The following FASLG variants were observed in gnomAD, a reference collection of about 807,000 sequenced individuals.
The protein encoded by FASLG is Fas ligand.
FASLG carries 9 observed loss-of-function variants against 24.6 expected under a neutral mutation model. The ratio of observed to expected loss-of-function variants is 0.37; its 90% CI spans 0.22 to 0.64. The LOEUF is 0.64. FASLG is among the 30% of genes least tolerant of loss of function. The pLI is 0.64. For synonymous variants in FASLG, 130 were observed against 135.5 expected, an observed-to-expected ratio of 0.96 and a Z score of 0.28; for missense variants, 306 against 345.3, an observed-to-expected ratio of 0.89 and a Z score of 0.90.
intron 1 of FASLG, 72 bp from the exon 2 acceptor site, chr1:172,660,023 T>C: frequency 2.0e-6 from 3 of 1,476,346 alleles, no homozygotes; most frequent in Non-Finnish European, 2.8e-6. Context: ...CTTGGTTTAT[T>C]TGACGATTCT....
At position 172,665,680 on chromosome 1, in the gene FASLG, G is replaced by C. The variant is rs1328951586; in HGVS notation, c.510G>C (p.Leu170=). ...LEWEDTYGIV[L]LSGVKYKKGG... ...GGGAAGACACCTATGGAATTGTCCTGCTTTCTGGAGTGAAGTATAAGAAGG... is the reference window on the plus strand; with the variant it reads ...GGGAAGACACCTATGGAATTGTCCTCCTTTCTGGAGTGAAGTATAAGAAGG... Residue 170 remains leucine (L), a synonymous_variant, in exon 4 of 4, where the codon CTG becomes CTC. Transcript: ENST00000367721. 2 of 1,614,192 alleles carry C rather than the reference G, an allele frequency of 1.2e-6. No individual in the cohort carries two copies.
intron 2 of FASLG, among the ~76,000 whole-genome samples, chr1:172,660,831 AT>A (rs1659121587): frequency 1.3e-5 from 2 of 152,304 alleles, no homozygotes; most frequent in Admixed American, 1.3e-4. Flanking sequence ...ATCTCATGAA[AT>A]TTCAGGGCAT....
rs971837868 is a variant in FASLG at position 172,664,367 on chromosome 1, T to C, written c.428T>C (p.Leu143Pro). 3.1e-6 allele frequency: 5 copies of C among 1,613,960 alleles called. No homozygotes were observed. The highest frequency in any genetic ancestry group is 2.7e-5 in the African/African-American group (2 of 74,918). Reference protein sequence around the residue: ...HPSPPPEKKELRKVAHLTGKS... With the variant: ...HPSPPPEKKEPRKVAHLTGKS... ...AGTCCACCCCCTGAAAAAAAGGAGC[T>C]GAGGAAAGTGGCCCATTTAACAGGT... Residue 143 changes from leucine to proline, a missense_variant, in exon 3 of 4, where the codon CTG becomes CCG. Physicochemically the swap from Leu to Pro is moderately conservative, Grantham distance 98. Transcript: ENST00000367721.
rs372411796 is a variant in FASLG at position 172,659,375 on chromosome 1, G to A, written c.174G>A (p.Pro58=). Residue 58 remains proline, a synonymous_variant, in exon 1 of 4, where the codon CCG becomes CCA. Transcript: ENST00000367721. ...CACCGCCACCACTACCACCTCCGCC[G>A]CCGCCGCCACCACTGCCTCCACTAC... ...PPPPPPLPPP[P]PPPPLPPLPL... 2.5e-4 allele frequency: 401 copies of A among 1,609,684 alleles called. 1 individual carries two copies. Among genetic ancestry groups the A allele is most frequent in the Admixed American group, 2.0e-4 (12 of 59,244 alleles).
In FASLG at chr1:172,666,240, G is replaced by A. The variant is rs1659261694; in HGVS notation, c.*224G>A. ...ATGACGGAAGAACATAGAACTCTGG[G>A]CTGCCATGTGAAGAGGGAGAAGCAT... On this transcript the variant is annotated 3_prime_UTR_variant, in exon 4 of 4. Coordinates refer to ENST00000367721, the MANE Select transcript of FASLG (RefSeq NM_000639.3). 1.7e-6 allele frequency: 1 copy of A among 574,646 alleles called. No homozygotes were observed. Among genetic ancestry groups the A allele is most frequent in the Non-Finnish European group, 3.1e-6 (1 of 325,480 alleles). 35.6% of individuals were successfully genotyped at this position (574,646 alleles called of 1,614,324 possible).
chr1:172,666,223 A>G lies in FASLG; in HGVS notation c.*207A>G. 1 of 607,070 alleles carries G rather than the reference A, an allele frequency of 1.6e-6. No homozygotes were observed. The highest frequency in any genetic ancestry group is 2.9e-6 in the Non-Finnish European group (1 of 348,712). The allele number at this position is 607,070 out of a possible 1,614,324, so 37.6% of individuals were successfully genotyped here. A position where few individuals can be genotyped will look rare whatever the true frequency, so the allele number is the denominator to read the frequency against. ...CAGACAAATGGAGGAATATGACGGA[A>G]GAACATAGAACTCTGGGCTGCCATG... is the stretch of plus-strand genomic sequence containing the variant. On this transcript the variant is annotated 3_prime_UTR_variant, in exon 4 of 4. Transcript: ENST00000367721.
At chr1:172,661,626 C>T (rs1222861495) in intron 2 of FASLG, among the ~76,000 whole-genome samples, 1 of 152,062 alleles carries the variant, frequency 6.6e-6, no homozygotes, top group African/African-American at 2.4e-5. Flanking sequence ...CCCCAGTAAG[C>T]AATTATGTTC....
At position 172,666,833 on chromosome 1, in the gene FASLG, A is replaced by G. The variant is rs45442301; in HGVS notation, c.*817A>G. ...ATTTATGTAGATGTGCATTTTTGTG[A>G]AATGAAAACATGTAATAAAAAGTAT... On this transcript the variant is annotated 3_prime_UTR_variant, in exon 4 of 4. Transcript: ENST00000367721. 1.7e-3 allele frequency: 257 copies of G among 152,572 alleles called. 1 individual carries two copies. Among genetic ancestry groups the G allele is most frequent in the East Asian group, 5.6e-3 (29 of 5,188 alleles). 9.5% of individuals were successfully genotyped at this position (152,572 alleles called of 1,614,324 possible).
chr1:172,660,841 A>G (rs1659122030), intron 2 of FASLG, among the ~76,000 whole-genome samples: 1 of 152,230 alleles, frequency 6.6e-6, no homozygotes, highest in African/African-American at 2.4e-5. Flanking sequence ...ATTTCAGGGC[A>G]TAGTTGTGCA....
In FASLG at chr1:172,665,899, C is replaced by A; in HGVS notation, c.729C>A (p.Ser243Arg). The change falls in exon 4 of 4, where the codon AGC becomes AGA. Residue 243 changes from serine (S) to arginine (R), a missense_variant. Ser to Arg is a moderately radical substitution (Grantham distance 110). Coordinates refer to ENST00000367721, the MANE Select transcript of FASLG (RefSeq NM_000639.3). ...CTTGQMWARS[S>R]YLGAVFNLTS... ...CTGGGCAGATGTGGGCCCGCAGCAG[C>A]TACCTGGGGGCAGTGTTCAATCTTA... is the stretch of plus-strand genomic sequence containing the variant. 6.2e-7 allele frequency: 1 copy of A among 1,611,654 alleles called. No homozygotes were observed. Among genetic ancestry groups the A allele is most frequent in the Non-Finnish European group, 8.5e-7 (1 of 1,178,072 alleles).
chr1:172,665,668 T>A lies in FASLG; in HGVS notation c.498T>A (p.Tyr166Ter), dbSNP rs1370318284. 1 of 1,614,208 alleles carries A rather than the reference T, an allele frequency of 6.2e-7. No individual in the cohort carries two copies. The highest frequency in any genetic ancestry group is 1.7e-5 in the Admixed American group (1 of 60,032). Residue 166 changes from tyrosine (Y) to a stop codon, truncating the protein, a stop_gained, in exon 4 of 4, where the codon TAT becomes TAA. Coordinates refer to ENST00000367721, the MANE Select transcript of FASLG (RefSeq NM_000639.3). LOFTEE classifies it high-confidence loss of function. ...RSMPLEWEDTYGIVLLSGVKY... is the reference protein window; with the variant it reads ...RSMPLEWEDT Reference sequence around the variant, plus strand: ...TGCCTCTGGAATGGGAAGACACCTATGGAATTGTCCTGCTTTCTGGAGTGA... The same window carrying A: ...TGCCTCTGGAATGGGAAGACACCTAAGGAATTGTCCTGCTTTCTGGAGTGA...
Position 172,666,528 on chromosome 1 carries a change from C to T in FASLG, c.*512C>T, listed in dbSNP as rs369353689. The T allele has an allele frequency of 1.8e-4, 28 of 159,670 alleles. 2 individuals carry two copies. Among genetic ancestry groups the T allele is most frequent in the Admixed American group, 9.4e-4 (16 of 17,080 alleles). The allele number at this position is 159,670 out of a possible 1,614,324, so 9.9% of individuals were successfully genotyped here. ...CTTCTAAATGCATATCCTGAGCCAT[C>T]GGTGAAACTAACAGATAAGCAAGAG... On this transcript the variant is annotated 3_prime_UTR_variant, in exon 4 of 4. Coordinates refer to ENST00000367721, the MANE Select transcript of FASLG (RefSeq NM_000639.3).
At position 172,660,265 on chromosome 1, in the gene FASLG, C is replaced by T. The variant is rs897496131; in HGVS notation, c.394+125C>T. ...CTGTACACTATAAGAGGAATTCTGG[C>T]TAATTCAGAATCTCTGGTCTATGAT... On this transcript the variant is annotated intron_variant, in intron 2 of 3. Coordinates refer to ENST00000367721, the MANE Select transcript of FASLG (RefSeq NM_000639.3). 111 of 922,822 alleles carry T rather than the reference C, an allele frequency of 1.2e-4. 1 individual carries two copies. Among genetic ancestry groups the T allele is most frequent in the Admixed American group, 1.2e-3 (63 of 52,880 alleles). The allele number at this position is 922,822 out of a possible 1,614,324, so 57.2% of individuals were successfully genotyped here. A position where few individuals can be genotyped will look rare whatever the true frequency, so the allele number is the denominator to read the frequency against.
intron 2 of FASLG, among the ~76,000 whole-genome samples, chr1:172,664,039 C>T (rs1659197620): frequency 6.6e-6 from 1 of 152,130 alleles, no homozygotes; most frequent in African/African-American, 2.4e-5. Flanking sequence ...GTTCTAAATG[C>T]AATAACTGAC....
intron 3 of FASLG, among the ~76,000 whole-genome samples, chr1:172,664,831 T>C (rs1284539681): frequency 1.3e-5 from 2 of 152,176 alleles, no homozygotes; most frequent in African/African-American, 4.8e-5. Flanking sequence ...CTGGCACTTG[T>C]AGAGTTTCAA....
intron 2 of FASLG, among the ~76,000 whole-genome samples, chr1:172,662,998 G>A (rs567314191): frequency 3.6e-4 from 55 of 152,234 alleles, no homozygotes; most frequent in African/African-American, 1.3e-3. Context: ...GGTCATGATT[G>A]CTCAGCTAAT....
intron 2 of FASLG, among the ~76,000 whole-genome samples, chr1:172,661,425 T>C (rs1326027981): frequency 6.6e-6 from 1 of 152,128 alleles, no homozygotes; most frequent in Non-Finnish European, 1.5e-5. Flanking sequence ...AGAAAGTCCA[T>C]ATGTACACAA....
chr1:172,660,459 C>T (rs1367043655), intron 2 of FASLG, among the ~76,000 whole-genome samples: 2 of 152,198 alleles, frequency 1.3e-5, no homozygotes, highest in Non-Finnish European at 1.5e-5. Context: ...TCCCCTTCCA[C>T]AGACATCCTG....
chr1:172,660,543 G>A (rs1659116053), intron 2 of FASLG, among the ~76,000 whole-genome samples: 1 of 152,224 alleles, frequency 6.6e-6, no homozygotes, highest in Admixed American at 6.5e-5. Flanking sequence ...AGATGTTTCT[G>A]AGAAACGTCC....
Sources: gnomAD v4.1 joint callset for allele counts (sites outside exome capture counted in the v4.1 genomes callset) on GRCh38, gnomAD v4.1.1 for gene constraint, MANE v1.5 for transcripts, NCBI Gene and HGNC (gene_info 2026-07-23, HGNC 2026-07-21) for gene names.